The following SCARA3 variants were observed in gnomAD, a reference collection of about 807,000 sequenced individuals.
SCARA3 encodes the protein cellular stress response gene protein.
A neutral mutation model predicts 47.0 loss-of-function variants in SCARA3; 39 were observed. That is an observed-to-expected ratio of 0.83 (90% CI 0.64 to 1.08). The LOEUF (loss-of-function observed/expected upper bound fraction) is 1.08, where lower values mean the gene tolerates loss of function less well. Ranked by LOEUF, SCARA3 falls within the 50% of genes least tolerant of loss-of-function variation. The pLI, the probability that SCARA3 is intolerant of heterozygous loss-of-function variation, is 0.00. For missense variants in SCARA3, 724 were observed against 792.3 expected, an observed-to-expected ratio of 0.91 and a Z score of 1.04; for synonymous variants, 356 against 334.1, an observed-to-expected ratio of 1.07 and a Z score of -0.71.
Position 27,671,619 on chromosome 8 carries a change from C to T in SCARA3, c.*268C>T, listed in dbSNP as rs915457914. ...ACATGCACACATACACATGCATGCACACATACACAGGCATACATGCATGCA... is the reference window on the plus strand; with the variant it reads ...ACATGCACACATACACATGCATGCATACATACACAGGCATACATGCATGCA... On this transcript the variant is annotated 3_prime_UTR_variant, in exon 6 of 6. Coordinates refer to ENST00000301904, the MANE Select transcript of SCARA3 (RefSeq NM_016240.3). The T allele has an allele frequency of 1.4e-5, 17 of 1,185,352 alleles. No individual in the cohort carries two copies. In the East Asian group the frequency reaches 5.9e-4, roughly 41 times the overall value. 73.4% of individuals were successfully genotyped at this position (1,185,352 alleles called of 1,614,324 possible).
intron 2 of SCARA3, 139 bp from the exon 3 acceptor site, chr8:27,651,369 A>G: frequency 9.9e-7 from 1 of 1,014,542 alleles, no homozygotes; most frequent in South Asian, 1.8e-5. Context: ...ACAGGTAGAG[A>G]ATGAGGGTCG....
chr8:27,689,241 G>T, the SCARA3 span, among the ~76,000 whole-genome samples: 3,184 of 152,282 alleles, frequency 0.021, 121 homozygotes, highest in African/African-American at 0.067. Context: ...TGGGTCCAGG[G>T]TCTAAGGACC....
the SCARA3 span, among the ~76,000 whole-genome samples, chr8:27,711,957 G>T: frequency 6.6e-6 from 1 of 152,142 alleles, no homozygotes; most frequent in Non-Finnish European, 1.5e-5. Flanking sequence ...CACTCTTGGT[G>T]TTGTACAGTC....
At chr8:27,696,188 T>G in the SCARA3 span, among the ~76,000 whole-genome samples, 1 of 151,988 alleles carries the variant, frequency 6.6e-6, no homozygotes, top group East Asian at 1.9e-4. Context: ...TTTAAATATT[T>G]TTGTAGAGAC....
At chr8:27,709,854 G>A in the SCARA3 span, among the ~76,000 whole-genome samples, 1 of 152,138 alleles carries the variant, frequency 6.6e-6, no homozygotes, top group East Asian at 1.9e-4. Context: ...CACCCTCCCT[G>A]CAGGTGGTTG....
chr8:27,722,528 A>G, the SCARA3 span, among the ~76,000 whole-genome samples: 1 of 152,160 alleles, frequency 6.6e-6, no homozygotes, highest in Non-Finnish European at 1.5e-5. Flanking sequence ...CATAGTATCC[A>G]CAACATGTCT....
chr8:27,731,108 T>C, the SCARA3 span, among the ~76,000 whole-genome samples: 4 of 149,264 alleles, frequency 2.7e-5, no homozygotes, highest in African/African-American at 9.8e-5. Flanking sequence ...TTTCTTTTTT[T>C]TTTTTTAAAT....
the SCARA3 span, among the ~76,000 whole-genome samples, chr8:27,709,263 T>C: frequency 8.3e-4 from 127 of 152,254 alleles, no homozygotes; most frequent in African/African-American, 3.0e-3. Context: ...ATCATGAGAA[T>C]TACCTGAGGG....
chr8:27,650,392 C>G (rs1801607167), intron 2 of SCARA3, among the ~76,000 whole-genome samples: 2 of 152,164 alleles, frequency 1.3e-5, no homozygotes, highest in South Asian at 4.1e-4. Flanking sequence ...TACCCTGTCC[C>G]TGGGGCCTGT....
chr8:27,684,508 G>A, the SCARA3 span, among the ~76,000 whole-genome samples: 1 of 152,000 alleles, frequency 6.6e-6, no homozygotes, highest in South Asian at 2.1e-4. Context: ...AACATAGGGA[G>A]ATCCCATCTC....
At chr8:27,716,238 A>G in the SCARA3 span, among the ~76,000 whole-genome samples, 3 of 152,134 alleles carry the variant, frequency 2.0e-5, no homozygotes, top group Non-Finnish European at 4.4e-5. Context: ...ACTTGAGCCC[A>G]GGAAGTCGAG....
chr8:27,698,779 T>C, the SCARA3 span, among the ~76,000 whole-genome samples: 2 of 152,054 alleles, frequency 1.3e-5, no homozygotes, highest in Non-Finnish European at 2.9e-5. Context: ...ATATAAAATA[T>C]ATAGGAATGA....
At chr8:27,677,069 G>T (rs1295903641), downstream of SCARA3, among the ~76,000 whole-genome samples, 1 of 152,194 alleles carries the variant, frequency 6.6e-6, no homozygotes, top group Non-Finnish European at 1.5e-5. Context: ...TCTTCGAGAT[G>T]TAGACACATT....
intron 1 of SCARA3, among the ~76,000 whole-genome samples, chr8:27,646,972 G>GCCCCCC (rs757314343): frequency 4.3e-5 from 1 of 23,498 alleles, no homozygotes. Flanking sequence ...GACCGCCCCC[G>GCCCCCC]CCCCCCCCCC....
At chr8:27,668,295 C>T (rs1316250902) in intron 5 of SCARA3, among the ~76,000 whole-genome samples, 1 of 151,580 alleles carries the variant, frequency 6.6e-6, no homozygotes, top group African/African-American at 2.4e-5. Flanking sequence ...AATCCCAGCA[C>T]TTTGGGAGGC....
chr8:27,643,762 C>T (rs1423633972), intron 1 of SCARA3, among the ~76,000 whole-genome samples: 1 of 152,196 alleles, frequency 6.6e-6, no homozygotes, highest in East Asian at 1.9e-4. Context: ...AAAATATGTT[C>T]CTTGAAGTGC....
intron 1 of SCARA3, among the ~76,000 whole-genome samples, chr8:27,642,913 G>A (rs1165168132): frequency 6.6e-6 from 1 of 152,174 alleles, no homozygotes; most frequent in Non-Finnish European, 1.5e-5. Context: ...GGGAGTCGGG[G>A]GGGTTGGTGC....
chr8:27,679,769 T>C (rs180827499), downstream of SCARA3: 141 of 152,304 alleles, frequency 9.3e-4, no homozygotes, highest in African/African-American at 3.1e-3. Flanking sequence ...ACACAGACAG[T>C]ACTCTCTCTA....
intron 5 of SCARA3, among the ~76,000 whole-genome samples, chr8:27,665,642 A>T (rs994630929): frequency 2.6e-5 from 4 of 152,196 alleles, no homozygotes; most frequent in African/African-American, 9.7e-5. Flanking sequence ...AAGTGCTGGG[A>T]TTACAGGCAA....
Sources: allele counts gnomAD v4.1 joint callset (sites outside exome capture counted in the v4.1 genomes callset), GRCh38; gene constraint gnomAD v4.1.1; transcripts MANE v1.5; gene names NCBI Gene and HGNC (gene_info 2026-07-23, HGNC 2026-07-21).